The following CCDC146 variants were observed in gnomAD, a reference collection of about 807,000 sequenced individuals.
CCDC146 encodes coiled-coil domain-containing protein 146.
A neutral mutation model predicts 119.3 loss-of-function variants in CCDC146; 92 were observed. The observed-to-expected ratio is 0.77, with a 90% CI of 0.65 to 0.92. The LOEUF is 0.92. Ranked by LOEUF, CCDC146 falls within the 40% of genes least tolerant of loss-of-function variation. The pLI is 0.00. For synonymous variants in CCDC146, 372 were observed against 371.8 expected (o/e 1.00, Z -0.01); for missense variants, 1,000 against 1,103.0 (o/e 0.91, Z 1.32).
At chr7:77,281,695 A>G (rs1793767500) in intron 14 of CCDC146, among the ~76,000 whole-genome samples, 1 of 152,216 alleles carries the variant, frequency 6.6e-6, no homozygotes, top group Admixed American at 6.5e-5. Context: ...GCTGAGTACA[A>G]CCACATGCAT....
intron 9 of CCDC146, among the ~76,000 whole-genome samples, chr7:77,272,517 C>T (rs1213407622): frequency 6.6e-6 from 1 of 152,154 alleles, no homozygotes; most frequent in African/African-American, 2.4e-5. Flanking sequence ...AAATTTTGGC[C>T]ATTATTCAAC....
At chr7:77,170,332 A>G (rs1308552909) in intron 2 of CCDC146, among the ~76,000 whole-genome samples, 1 of 142,340 alleles carries the variant, frequency 7.0e-6, no homozygotes, top group Admixed American at 7.2e-5. Context: ...GTTGCATAGT[A>G]TTCTGTGGTG....
chr7:77,169,552 G>A (rs1791386454), intron 2 of CCDC146, among the ~76,000 whole-genome samples: 1 of 152,152 alleles, frequency 6.6e-6, no homozygotes, highest in East Asian at 1.9e-4. Flanking sequence ...TATTTATTAG[G>A]TGGCTTTCTA....
chr7:77,176,095 G>A (rs1205911170), intron 2 of CCDC146, among the ~76,000 whole-genome samples: 3 of 151,112 alleles, frequency 2.0e-5, no homozygotes, highest in Admixed American at 6.6e-5. Flanking sequence ...TGGTTTCTTC[G>A]TCCATACCCA....
At chr7:77,263,142 C>T (rs1186337860) in intron 9 of CCDC146, among the ~76,000 whole-genome samples, 2 of 152,180 alleles carry the variant, frequency 1.3e-5, no homozygotes, top group Admixed American at 1.3e-4. Context: ...TGATCCTAAC[C>T]TATGCCTAGT....
intron 3 of CCDC146, among the ~76,000 whole-genome samples, 153 bp from the exon 4 acceptor site, chr7:77,241,538 C>T (rs1177016713): frequency 6.6e-6 from 1 of 152,020 alleles, no homozygotes; most frequent in African/African-American, 2.4e-5. Flanking sequence ...TGTGGACTCA[C>T]GGACATGAAG....
chr7:77,210,920 A>C (rs1227892378), intron 2 of CCDC146, among the ~76,000 whole-genome samples: 1 of 152,198 alleles, frequency 6.6e-6, no homozygotes, highest in Admixed American at 6.5e-5. Flanking sequence ...CAAGGGGGAT[A>C]TCTGACCCCT....
In CCDC146 at chr7:77,161,556, A is replaced by T. The variant is rs571085799; in HGVS notation, c.-11-6102A>T. ...ACAAGAACAAAAAACCAAACACCGC[A>T]TATTCTCACTCATAGGTTGGAATTG... On this transcript the variant is annotated intron_variant, in intron 1 of 18. Transcript: ENST00000285871. Among the ~76,000 whole-genome samples the T allele has an allele frequency of 7.4e-5, 11 of 148,596 alleles. 1 individual carries two copies. The South Asian group carries it at 2.1e-3, about 29-fold the overall frequency.
At chr7:77,133,346 T>TTTG (rs150341544) in intron 1 of CCDC146, among the ~76,000 whole-genome samples, 3,058 of 152,036 alleles carry the variant, frequency 0.02, 52 homozygotes, top group South Asian at 0.054. Context: ...TGGAACAACT[T>TTTG]TTGTTGTTGT....
At chr7:77,261,232 G>C (rs373365629) in intron 8 of CCDC146, among the ~76,000 whole-genome samples, 14 of 152,046 alleles carry the variant, frequency 9.2e-5, no homozygotes, top group Middle Eastern at 3.2e-3. Context: ...CAAGTATTAA[G>C]CCTAGTACCT....
At chr7:77,284,822 C>T (rs998331993) in intron 15 of CCDC146, among the ~76,000 whole-genome samples, 1 of 151,848 alleles carries the variant, frequency 6.6e-6, no homozygotes, top group African/African-American at 2.4e-5. Context: ...TCTGCTCTAC[C>T]GGAGTGAATT....
At chr7:77,148,873 A>C (rs1385895748) in intron 1 of CCDC146, among the ~76,000 whole-genome samples, 2 of 152,004 alleles carry the variant, frequency 1.3e-5, no homozygotes, top group Non-Finnish European at 2.9e-5. Context: ...ATGGATAAGA[A>C]GAATCAATAC....
intron 2 of CCDC146, chr7:77,194,629 A>G (rs1018791149): frequency 2.6e-5 from 4 of 152,120 alleles, no homozygotes; most frequent in African/African-American, 7.2e-5. Flanking sequence ...CTCCTTAATC[A>G]TTTTAAAATA....
chr7:77,233,711 T>C (rs1792680253), intron 2 of CCDC146, among the ~76,000 whole-genome samples: 1 of 152,218 alleles, frequency 6.6e-6, no homozygotes, highest in Non-Finnish European at 1.5e-5. Flanking sequence ...CTAATGCCAC[T>C]GCTGATCTGT....
chr7:77,148,750 T>C (rs1791062408), intron 1 of CCDC146, among the ~76,000 whole-genome samples: 1 of 151,912 alleles, frequency 6.6e-6, no homozygotes, highest in African/African-American at 2.4e-5. Flanking sequence ...GAGAATAAAA[T>C]ACCTAGGAAT....
At chr7:77,183,024 A>T (rs1791612920) in intron 2 of CCDC146, among the ~76,000 whole-genome samples, 1 of 152,172 alleles carries the variant, frequency 6.6e-6, no homozygotes. Context: ...TAAAGGAAAC[A>T]GAAAGCCTTG....
At chr7:77,242,692 G>T (rs765316571) in intron 4 of CCDC146, among the ~76,000 whole-genome samples, 1 of 152,148 alleles carries the variant, frequency 6.6e-6, no homozygotes, top group African/African-American at 2.4e-5. Flanking sequence ...AAGCAAAACC[G>T]TTTCTCCTAG....
intron 6 of CCDC146, 33 bp downstream of exon 6, chr7:77,256,542 T>G: frequency 6.5e-7 from 1 of 1,544,198 alleles, no homozygotes; most frequent in Non-Finnish European, 8.8e-7. Flanking sequence ...TTAAACATTG[T>G]GCCTTGCATG....
intron 9 of CCDC146, among the ~76,000 whole-genome samples, chr7:77,270,990 G>C (rs1037091930): frequency 2.0e-5 from 3 of 149,640 alleles, no homozygotes. Context: ...GCTTGTCTTA[G>C]CTCATATGGG....
Sources: allele counts gnomAD v4.1 joint callset (sites outside exome capture counted in the v4.1 genomes callset), GRCh38; gene constraint gnomAD v4.1.1; transcripts MANE v1.5; gene names NCBI Gene and HGNC (gene_info 2026-07-23, HGNC 2026-07-21).